Variants in SCNN1B observed in about 807,000 individuals in gnomAD.
The protein encoded by SCNN1B is epithelial sodium channel subunit beta.
Under a neutral mutation model 65.3 loss-of-function variants are expected in SCNN1B, and 46 were observed. The ratio of observed to expected loss-of-function variants is 0.70; its 90% CI spans 0.56 to 0.90. The LOEUF (loss-of-function observed/expected upper bound fraction) is 0.90. Among genes scored for constraint, SCNN1B ranks in the 40% least tolerant of loss-of-function variants. SCNN1B has a pLI of 0.00. For missense variants in SCNN1B, 751 were observed against 830.5 expected, an observed-to-expected ratio of 0.90 and a Z score of 1.18; for synonymous variants, 349 against 330.6, an observed-to-expected ratio of 1.06 and a Z score of -0.60.
chr16:23,355,886 T>C (rs1394935341), intron 4 of SCNN1B, among the ~76,000 whole-genome samples: 1 of 151,418 alleles, frequency 6.6e-6, no homozygotes, highest in African/African-American at 2.4e-5. Context: ...AGACCAGGAG[T>C]TCAAGACCAG....
At chr16:23,286,506 C>A (rs1226633070) in intron 2 of SCNN1B, among the ~76,000 whole-genome samples, 2 of 152,210 alleles carry the variant, frequency 1.3e-5, no homozygotes, top group African/African-American at 4.8e-5. Context: ...TCATTTTGAG[C>A]TTTCTGGTGT....
At chr16:23,359,954 G>A (rs1470635145) in intron 4 of SCNN1B, among the ~76,000 whole-genome samples, 1 of 152,244 alleles carries the variant, frequency 6.6e-6, no homozygotes, top group African/African-American at 2.4e-5. Context: ...TATAATCCCA[G>A]CACTTTGGGA....
intron 1 of SCNN1B, among the ~76,000 whole-genome samples, chr16:23,306,883 C>T (rs73542337): frequency 1.4e-4 from 22 of 152,120 alleles, no homozygotes; most frequent in Admixed American, 2.6e-4. Context: ...GCTGTGATGG[C>T]GCGTGAGGCA....
chr16:23,371,661 CTG>C (rs1489070070), intron 6 of SCNN1B, 113 bp from the exon 7 acceptor site: 3 of 1,056,816 alleles, frequency 2.8e-6, no homozygotes, highest in African/African-American at 3.1e-5. Flanking sequence ...GGCGCCCCCC[CTG>C]GCACCTGCAG....
chr16:23,319,916 C>A (rs375602819), intron 1 of SCNN1B, among the ~76,000 whole-genome samples: 1 of 152,096 alleles, frequency 6.6e-6, no homozygotes, highest in Non-Finnish European at 1.5e-5. Context: ...AACAGGTGCA[C>A]GCCACCACGT....
chr16:23,304,677 A>C (rs1961157367), intron 1 of SCNN1B, among the ~76,000 whole-genome samples: 1 of 152,184 alleles, frequency 6.6e-6, no homozygotes, highest in African/African-American at 2.4e-5. Flanking sequence ...CTGTGGCCTA[A>C]AGAGAGTGTG....
At position 23,362,176 on chromosome 16, in the gene SCNN1B, CT is replaced by C. The variant is rs577963400; in HGVS notation, c.777-5679del. Among the ~76,000 whole-genome samples, 694 of 152,072 alleles carry C rather than the reference CT, an allele frequency of 4.6e-3. 3 individuals are homozygous for C. The highest frequency in any genetic ancestry group is 8.6e-3 in the Non-Finnish European group (584 of 67,986). Reference sequence around the variant, plus strand: ...TCTGGCCAACATGGCAAAACCCCATCTCTACTAAAAATACAAAAATTAGCCG... The same window carrying C: ...TCTGGCCAACATGGCAAAACCCCATCCTACTAAAAATACAAAAATTAGCCG... On this transcript the variant is annotated intron_variant, in intron 4 of 12. Coordinates refer to ENST00000343070, the MANE Select transcript of SCNN1B (RefSeq NM_000336.3).
At chr16:23,360,243 A>C (rs112405666) in intron 4 of SCNN1B, among the ~76,000 whole-genome samples, 7,631 of 151,732 alleles carry the variant, frequency 0.05, 616 homozygotes, top group African/African-American at 0.17. Context: ...TAAATAAATA[A>C]ATAAAAAGGC....
At chr16:23,378,517 T>A (rs1962961035) in intron 10 of SCNN1B, among the ~76,000 whole-genome samples, 189 bp from the exon 11 acceptor site, 1 of 151,800 alleles carries the variant, frequency 6.6e-6, no homozygotes, top group Non-Finnish European at 1.5e-5. Context: ...GAGGCCCGAG[T>A]CCTTCCTCCC....
At chr16:23,379,031 C>G (rs368451630) in intron 11 of SCNN1B, among the ~76,000 whole-genome samples, 16 of 152,114 alleles carry the variant, frequency 1.1e-4, no homozygotes, top group African/African-American at 3.9e-4. Flanking sequence ...CATCATCCAC[C>G]CACGCGCCCA....
At chr16:23,376,121 TG>T (rs1962889547) in intron 8 of SCNN1B, among the ~76,000 whole-genome samples, 1 of 152,240 alleles carries the variant, frequency 6.6e-6, no homozygotes, top group Non-Finnish European at 1.5e-5. Flanking sequence ...GGCCTGTGTC[TG>T]TGTGCCACAC....
intron 1 of SCNN1B, among the ~76,000 whole-genome samples, chr16:23,313,179 C>T (rs1596824909): frequency 6.6e-6 from 1 of 152,080 alleles, no homozygotes; most frequent in South Asian, 2.1e-4. Flanking sequence ...TGGATGGATG[C>T]ATATCAGCAT....
intron 1 of SCNN1B, among the ~76,000 whole-genome samples, chr16:23,333,457 C>A (rs1263495590): frequency 1.3e-5 from 2 of 152,220 alleles, no homozygotes; most frequent in African/African-American, 4.8e-5. Context: ...ACAGTTCCAA[C>A]CACCCATGGT....
chr16:23,340,422 A>G (rs1351277796), intron 1 of SCNN1B, among the ~76,000 whole-genome samples: 3 of 152,178 alleles, frequency 2.0e-5, no homozygotes, highest in African/African-American at 7.2e-5. Flanking sequence ...TAGTTTTATT[A>G]GGTCTATGAA....
intron 1 of SCNN1B, among the ~76,000 whole-genome samples, chr16:23,306,081 A>G (rs1961212836): frequency 6.6e-6 from 1 of 152,040 alleles, no homozygotes; most frequent in African/African-American, 2.4e-5. Context: ...CATCTCTAGT[A>G]AAAATACAGA....
chr16:23,284,396 C>T (rs1013347703), intron 2 of SCNN1B, among the ~76,000 whole-genome samples: 1 of 151,882 alleles, frequency 6.6e-6, no homozygotes, highest in Admixed American at 6.6e-5. Flanking sequence ...CAGAGCAAGA[C>T]TCCATCTCAA....
intron 1 of SCNN1B, among the ~76,000 whole-genome samples, chr16:23,309,850 C>T (rs572718476): frequency 1.8e-4 from 27 of 152,188 alleles, no homozygotes; most frequent in Non-Finnish European, 3.4e-4. Context: ...TCACAGCCAC[C>T]TTATAAAGAG....
chr16:23,330,348 C>T (rs1567299471), intron 1 of SCNN1B, among the ~76,000 whole-genome samples: 1 of 152,098 alleles, frequency 6.6e-6, no homozygotes, highest in Admixed American at 6.6e-5. Context: ...GAGGCTATAG[C>T]GGTTTTGCTT....
chr16:23,365,351 A>AAAAGAGAG (rs1223169246), intron 4 of SCNN1B, among the ~76,000 whole-genome samples: 1 of 150,138 alleles, frequency 6.7e-6, no homozygotes, highest in East Asian at 1.9e-4. Context: ...GGAGGAAAAG[A>AAAAGAGAG]AAAGAGAGAA....
Sources: gnomAD v4.1 joint callset for allele counts (sites outside exome capture counted in the v4.1 genomes callset) on GRCh38, gnomAD v4.1.1 for gene constraint, MANE v1.5 for transcripts, NCBI Gene and HGNC (gene_info 2026-07-23, HGNC 2026-07-21) for gene names.